GGTA1: variants seen among roughly 807,000 people sequenced by gnomAD.
The protein encoded by GGTA1 is inactive N-acetyllactosaminide alpha-1,3-galactosyltransferase.
A neutral mutation model predicts 2.6 loss-of-function variants in GGTA1; 5 were observed. The observed-to-expected ratio is 1.92, with a 90% CI of 1.00 to 4.04. GGTA1 has a LOEUF of 4.04. GGTA1 is among the 30% of genes most tolerant of loss of function. The probability of loss-of-function intolerance (pLI) is 0.00; values close to 1 mark genes in which losing one functional copy is unlikely to be tolerated. For synonymous variants in GGTA1, 17 were observed against 5.0 expected (o/e 3.38, Z -3.19); for missense variants, 50 against 16.7 (o/e 2.99, Z -3.47).
chr9:121,457,059 G>C (rs1365542198), intron 5 of GGTA1, among the ~76,000 whole-genome samples: 1 of 152,246 alleles, frequency 6.6e-6, no homozygotes. Flanking sequence ...CATGAACAGG[G>C]ATGGCATAGC....
intron 3 of GGTA1, among the ~76,000 whole-genome samples, chr9:121,462,230 C>T (rs761056266): frequency 9.2e-5 from 14 of 152,048 alleles, no homozygotes; most frequent in Non-Finnish European, 1.3e-4. Context: ...GAGGCTGAGG[C>T]GGGAGGATTG....
intron 3 of GGTA1, among the ~76,000 whole-genome samples, chr9:121,462,152 C>T (rs1411562908): frequency 6.6e-6 from 1 of 152,088 alleles, no homozygotes; most frequent in African/African-American, 2.4e-5. Flanking sequence ...AGTGAAACCC[C>T]ATCTCTACCA....
At chr9:121,455,862 A>G (rs2064907433) in intron 5 of GGTA1, 21 bp from the exon 6 acceptor site, 1 of 453,358 alleles carries the variant, frequency 2.2e-6, no homozygotes, top group Non-Finnish European at 4.4e-6. Flanking sequence ...AAACAGCAAC[A>G]TTAAAAATTT....
At chr9:121,473,989 G>A (rs945162430) in intron 1 of GGTA1, among the ~76,000 whole-genome samples, 4 of 149,292 alleles carry the variant, frequency 2.7e-5, no homozygotes, top group Non-Finnish European at 3.0e-5. Flanking sequence ...GAGAGAGAGA[G>A]AAAAGAAAGA....
intron 1 of GGTA1, among the ~76,000 whole-genome samples, chr9:121,469,227 G>A (rs1828329262): frequency 6.6e-6 from 1 of 152,164 alleles, no homozygotes. Flanking sequence ...CGAGTCCCAA[G>A]GGATAAAGAG....
chr9:121,486,700 A>G (rs1828762422), intron 1 of GGTA1, among the ~76,000 whole-genome samples: 1 of 152,212 alleles, frequency 6.6e-6, no homozygotes, highest in South Asian at 2.1e-4. Context: ...TTTGTGCCTC[A>G]GTTTCCTCCC....
At chr9:121,457,813 G>C (rs914949927) in intron 5 of GGTA1, among the ~76,000 whole-genome samples, 2 of 151,806 alleles carry the variant, frequency 1.3e-5, no homozygotes, top group Admixed American at 6.6e-5. Context: ...CTCGGGAGAC[G>C]GTCACAAATG....
chr9:121,459,701 C>G (rs1172840253), intron 5 of GGTA1, among the ~76,000 whole-genome samples: 1 of 152,152 alleles, frequency 6.6e-6, no homozygotes, highest in Non-Finnish European at 1.5e-5. Context: ...TCTCTCAGGT[C>G]TCAAAGTCAC....
chr9:121,479,378 C>T, intron 1 of GGTA1: 1 of 330,244 alleles, frequency 3.0e-6, no homozygotes, highest in South Asian at 2.4e-5. Flanking sequence ...GGGGAGTAGA[C>T]AGAGCCCTCA....
chr9:121,480,756 C>A (rs1415934528), intron 1 of GGTA1, among the ~76,000 whole-genome samples: 1 of 152,170 alleles, frequency 6.6e-6, no homozygotes, highest in East Asian at 1.9e-4. Flanking sequence ...CTGTGGCTAA[C>A]TATTTAAGCC....
rs928761824 is a variant in GGTA1 at position 121,476,363 on chromosome 9, G to T, written c.-9-8432C>A. Among the ~76,000 whole-genome samples, 1 of 151,816 alleles carries T rather than the reference G, an allele frequency of 6.6e-6. No individual in the cohort carries two copies. The highest frequency in any genetic ancestry group is 2.4e-5 in the African/African-American group (1 of 41,352). On this transcript the variant is annotated intron_variant, in intron 1 of 5. Transcript: ENST00000481799. The surrounding 1 kb of genome is among the most constrained non-coding windows in gnomAD (Gnocchi z 4.6). The stretch of plus-strand genomic sequence containing the variant: ...CTGTCCCCAGCCTTGTCATAGTCCT[G>T]CAGGTCAGCCCCAGCACCAACACAG...
chr9:121,464,918 GCTGCCTAC>G (rs2118684077), intron 2 of GGTA1, among the ~76,000 whole-genome samples: 1 of 151,346 alleles, frequency 6.6e-6, no homozygotes, highest in South Asian at 2.1e-4. Context: ...TTAGCTTAGT[GCTGCCTAC>G]CTGTGTAAGG....
chr9:121,445,842 G>T (rs553135941), exon 8 of GGTA1: 2 of 152,336 alleles, frequency 1.3e-5, no homozygotes, highest in East Asian at 3.9e-4. Context: ...GTTGGGGTAT[G>T]ATGGGCTGAG....
chr9:121,468,194 G>A (rs1001248804), intron 1 of GGTA1, among the ~76,000 whole-genome samples: 2 of 151,978 alleles, frequency 1.3e-5, no homozygotes, highest in Admixed American at 6.6e-5. Context: ...GACAGGCCCC[G>A]GTGTGCGATG....
Position 121,492,562 on chromosome 9 carries a change from G to A in GGTA1, c.-10+7088C>T, listed in dbSNP as rs535926153. 1.6e-4 allele frequency among the ~76,000 whole-genome samples: 25 copies of A among 152,014 alleles called. No individual in the cohort carries two copies. The South Asian group carries it at 2.1e-3, about 13-fold the overall frequency. On this transcript the variant is annotated intron_variant, in intron 1 of 5. Coordinates refer to ENST00000481799, the MANE Select transcript of GGTA1 (RefSeq NM_001382585.1). ...GATCTTGGCTTACTACAACCTCCAC[G>A]TCCCGGGTTCAAGTGATTCTCCTGC...
intron 3 of GGTA1, among the ~76,000 whole-genome samples, chr9:121,462,182 G>A (rs774555999): frequency 2.6e-5 from 4 of 152,074 alleles, no homozygotes; most frequent in South Asian, 2.1e-4. Context: ...AAAATTAGCC[G>A]GGCGTGGTGG....
intron 1 of GGTA1, among the ~76,000 whole-genome samples, chr9:121,482,458 C>A (rs1481259632): frequency 1.3e-5 from 2 of 151,122 alleles, no homozygotes; most frequent in Non-Finnish European, 2.9e-5. Context: ...CAGAATGAGA[C>A]CCTGTCTCAA....
chr9:121,449,620 T>C (rs1319178561), intron 7 of GGTA1, among the ~76,000 whole-genome samples: 1 of 151,960 alleles, frequency 6.6e-6, no homozygotes, highest in East Asian at 1.9e-4. Context: ...GGCGGGTGGA[T>C]CACAAGGTCA....
chr9:121,494,043 C>T (rs1157921919), intron 1 of GGTA1, among the ~76,000 whole-genome samples: 2 of 152,110 alleles, frequency 1.3e-5, no homozygotes, highest in Non-Finnish European at 2.9e-5. Context: ...AGTCGTGAAC[C>T]ACCGCACCCA....
Sources: allele counts gnomAD v4.1 joint callset (sites outside exome capture counted in the v4.1 genomes callset), GRCh38; gene constraint gnomAD v4.1.1; non-coding constraint Gnocchi (gnomAD v3.1); transcripts MANE v1.5; gene names NCBI Gene and HGNC (gene_info 2026-07-23, HGNC 2026-07-21).